RNGTT: variants seen among roughly 807,000 people sequenced by gnomAD.
RNGTT encodes mRNA-capping enzyme.
In RNGTT, 33 loss-of-function variants were observed where a neutral mutation model predicts 79.3. The observed-to-expected ratio is 0.42, with a 90% confidence interval of 0.32 to 0.56. The LOEUF is 0.56. Ranked by LOEUF, RNGTT falls within the 20% of genes least tolerant of loss-of-function variation. The pLI, the probability that RNGTT is intolerant of heterozygous loss-of-function variation, is 0.17. For missense variants in RNGTT, 497 were observed against 739.1 expected (o/e 0.67, Z 3.80); for synonymous variants, 222 against 235.9 (o/e 0.94, Z 0.54).
intron 13 of RNGTT, among the ~76,000 whole-genome samples, chr6:88,763,936 C>T (rs536251802): frequency 6.6e-6 from 1 of 152,178 alleles, no homozygotes; most frequent in Non-Finnish European, 1.5e-5. Context: ...GAAATCAGAA[C>T]AAAAGATGGC....
rs544189307 is a variant in RNGTT at position 88,769,581 on chromosome 6, T to A, written c.1439+193A>T. Among the ~76,000 whole-genome samples the A allele has an allele frequency of 2.6e-5, 4 of 152,280 alleles. No homozygotes were observed. In the East Asian group the frequency reaches 7.7e-4, roughly 29 times the overall value. Reference sequence around the variant, plus strand: ...TTAAAGGAAACTGCTATATGTTAGCTGACACAGGTCAAAGGAGTAATCTCT... The same window carrying A: ...TTAAAGGAAACTGCTATATGTTAGCAGACACAGGTCAAAGGAGTAATCTCT... On this transcript the variant is annotated intron_variant, in intron 13 of 15. Transcript: ENST00000369485.
intron 8 of RNGTT, among the ~76,000 whole-genome samples, chr6:88,880,908 A>G (rs920404391): frequency 2.0e-5 from 3 of 152,174 alleles, no homozygotes; most frequent in Non-Finnish European, 4.4e-5. Flanking sequence ...AAATCCTATT[A>G]TAAAATTCTA....
chr6:88,938,669 T>A (rs561028202), intron 2 of RNGTT, among the ~76,000 whole-genome samples: 1 of 152,112 alleles, frequency 6.6e-6, no homozygotes, highest in Non-Finnish European at 1.5e-5. Context: ...AACATTTGAG[T>A]TTTTCCCCCT....
At chr6:88,688,340 T>C (rs992398532) in intron 13 of RNGTT, among the ~76,000 whole-genome samples, 3 of 152,222 alleles carry the variant, frequency 2.0e-5, no homozygotes, top group Non-Finnish European at 4.4e-5. Context: ...TTTAATATAC[T>C]GACAGATGGA....
chr6:88,631,252 C>CAG (rs1309132420), intron 14 of RNGTT, among the ~76,000 whole-genome samples: 1 of 152,184 alleles, frequency 6.6e-6, no homozygotes, highest in African/African-American at 2.4e-5. Flanking sequence ...ACATACAGCT[C>CAG]AGTTTAATTG....
chr6:88,820,825 G>A (rs1780473508), intron 11 of RNGTT, among the ~76,000 whole-genome samples: 1 of 152,096 alleles, frequency 6.6e-6, no homozygotes, highest in South Asian at 2.1e-4. Context: ...AATAAATGGA[G>A]AGACAGCACA....
intron 1 of RNGTT, among the ~76,000 whole-genome samples, chr6:88,955,364 C>T (rs2127965728): frequency 6.6e-6 from 1 of 152,058 alleles, no homozygotes; most frequent in Admixed American, 6.6e-5. Context: ...GCCTGGCCAA[C>T]ATGGTGAAAT....
At chr6:88,773,411 G>A (rs1197436844) in intron 12 of RNGTT, among the ~76,000 whole-genome samples, 1 of 148,436 alleles carries the variant, frequency 6.7e-6, no homozygotes, top group Non-Finnish European at 1.5e-5. Flanking sequence ...CATGGCACAT[G>A]TATACATATG....
At chr6:88,791,498 C>T (rs1408699366) in intron 12 of RNGTT, among the ~76,000 whole-genome samples, 2 of 152,082 alleles carry the variant, frequency 1.3e-5, no homozygotes, top group Non-Finnish European at 2.9e-5. Context: ...GAAACTAATA[C>T]AGTAACTAGC....
intron 13 of RNGTT, among the ~76,000 whole-genome samples, chr6:88,745,384 T>C (rs1411220437): frequency 6.6e-6 from 1 of 152,160 alleles, no homozygotes. Context: ...GAGGATTCCC[T>C]AGAAGAACTC....
At chr6:88,928,785 G>A (rs1471801800) in intron 4 of RNGTT, among the ~76,000 whole-genome samples, 200 bp downstream of exon 4, 2 of 152,004 alleles carry the variant, frequency 1.3e-5, no homozygotes, top group African/African-American at 4.8e-5. Flanking sequence ...AGGAAATCAG[G>A]GCTTTATCTA....
intron 11 of RNGTT, among the ~76,000 whole-genome samples, chr6:88,813,315 T>A (rs1780205220): frequency 6.6e-6 from 1 of 152,092 alleles, no homozygotes; most frequent in Non-Finnish European, 1.5e-5. Flanking sequence ...TATGAATAAA[T>A]AGCTGTGCAT....
chr6:88,699,277 A>C lies in RNGTT; in HGVS notation c.1440-20858T>G, dbSNP rs1056240789. ...CTTAAATAGTATGAAACAATAATTA[A>C]AACAGCAATTTCATAAAAGATTTTT... On this transcript the variant is annotated intron_variant, in intron 13 of 15. Coordinates refer to ENST00000369485, the MANE Select transcript of RNGTT (RefSeq NM_003800.5). 5.3e-5 allele frequency among the ~76,000 whole-genome samples: 8 copies of C among 152,216 alleles called. 1 individual carries two copies. The highest frequency in any genetic ancestry group is 1.9e-4 in the African/African-American group (8 of 41,462).
intron 13 of RNGTT, among the ~76,000 whole-genome samples, chr6:88,766,542 A>G (rs966062785): frequency 5.3e-5 from 8 of 152,134 alleles, no homozygotes; most frequent in African/African-American, 1.9e-4. Flanking sequence ...CAATGTTAAT[A>G]TATCTCAAAT....
chr6:88,700,479 T>G (rs188814124), intron 13 of RNGTT, among the ~76,000 whole-genome samples: 1 of 152,318 alleles, frequency 6.6e-6, no homozygotes, highest in Non-Finnish European at 1.5e-5. Flanking sequence ...TTCTTTTTTC[T>G]TTCTTTTCTC....
intron 11 of RNGTT, among the ~76,000 whole-genome samples, chr6:88,820,062 C>T (rs918236960): frequency 6.6e-6 from 1 of 151,910 alleles, no homozygotes; most frequent in African/African-American, 2.4e-5. Context: ...ACTTGGAAAA[C>T]CAAGCAAAGA....
chr6:88,956,930 G>C (rs1785452103), intron 1 of RNGTT, among the ~76,000 whole-genome samples: 1 of 152,150 alleles, frequency 6.6e-6, no homozygotes, highest in East Asian at 1.9e-4. Context: ...CTACTCAGGA[G>C]GCTGAGGCAG....
chr6:88,795,378 G>A (rs541546229), intron 12 of RNGTT, among the ~76,000 whole-genome samples: 5 of 152,182 alleles, frequency 3.3e-5, no homozygotes, highest in South Asian at 4.2e-4. Flanking sequence ...ACTGAAGTCC[G>A]GAATCAAGAC....
chr6:88,950,220 C>T (rs1785196989), intron 1 of RNGTT, among the ~76,000 whole-genome samples: 1 of 152,194 alleles, frequency 6.6e-6, no homozygotes, highest in African/African-American at 2.4e-5. Context: ...CAAAATATTA[C>T]TGCTCACTGA....
Sources: allele counts gnomAD v4.1 joint callset (sites outside exome capture counted in the v4.1 genomes callset), GRCh38; gene constraint gnomAD v4.1.1; transcripts MANE v1.5; gene names NCBI Gene and HGNC (gene_info 2026-07-23, HGNC 2026-07-21).